ANKRD62: variants seen among roughly 807,000 people sequenced by gnomAD.
The protein encoded by ANKRD62 is ankyrin repeat domain 62.
ANKRD62 carries 61 observed loss-of-function variants against 98.8 expected under a neutral mutation model. That is an observed-to-expected ratio of 0.62 (90% CI 0.50 to 0.76). ANKRD62 has a LOEUF of 0.76. Ranked by LOEUF, ANKRD62 falls within the 30% of genes least tolerant of loss-of-function variation. The pLI is 0.00. For synonymous variants in ANKRD62, 341 were observed against 367.9 expected (o/e 0.93, Z 0.84); for missense variants, 933 against 1,082.9 (o/e 0.86, Z 1.94).
the ANKRD62 span, among the ~76,000 whole-genome samples, chr18:12,163,714 A>G: frequency 3.3e-5 from 5 of 152,004 alleles, no homozygotes; most frequent in Non-Finnish European, 5.9e-5. Context: ...GGCTTTTATC[A>G]TGAAGGGATG....
chr18:12,170,889 C>T, the ANKRD62 span, among the ~76,000 whole-genome samples: 1 of 151,172 alleles, frequency 6.6e-6, no homozygotes, highest in Admixed American at 6.6e-5. Flanking sequence ...ATGTAATGGC[C>T]TTCTTTGTCT....
At chr18:12,145,327 T>C in the ANKRD62 span, among the ~76,000 whole-genome samples, 2 of 152,168 alleles carry the variant, frequency 1.3e-5, no homozygotes, top group Admixed American at 1.3e-4. Context: ...AAAAATGCAA[T>C]GGCTAAGCTG....
the ANKRD62 span, among the ~76,000 whole-genome samples, chr18:12,157,634 C>T: frequency 1.3e-5 from 2 of 152,172 alleles, no homozygotes; most frequent in Non-Finnish European, 2.9e-5. Context: ...CGCTTGTGCT[C>T]AGATTCTGCC....
chr18:12,095,657 T>G, intron 3 of ANKRD62, 47 bp downstream of exon 3: 1 of 1,417,946 alleles, frequency 7.1e-7, no homozygotes, highest in Non-Finnish European at 9.2e-7. Context: ...GTATATTTGT[T>G]TTACCATTGA....
chr18:12,100,513 G>A (rs1177290287), intron 6 of ANKRD62, among the ~76,000 whole-genome samples: 1 of 152,096 alleles, frequency 6.6e-6, no homozygotes, highest in Non-Finnish European at 1.5e-5. Flanking sequence ...ACTCTGACAT[G>A]GTGATTTGTG....
chr18:12,153,992 C>T, the ANKRD62 span, among the ~76,000 whole-genome samples: 4 of 152,288 alleles, frequency 2.6e-5, no homozygotes, highest in East Asian at 1.9e-4. Flanking sequence ...AAACCAAAAA[C>T]TATAAAAATC....
In ANKRD62 at chr18:12,108,453, G is replaced by A. The variant is rs547734042; in HGVS notation, c.1064+986G>A. Among the ~76,000 whole-genome samples the A allele has an allele frequency of 5.3e-5, 8 of 152,226 alleles. No homozygotes were observed. In the East Asian group the frequency reaches 9.6e-4, roughly 18 times the overall value. ...TCACTATCACAAGAACAGCATGGGG[G>A]AAACAGCCTCCATGATCAAGTCACT... On this transcript the variant is annotated intron_variant, in intron 8 of 13. Coordinates refer to ENST00000587848, the MANE Select transcript of ANKRD62 (RefSeq NM_001277333.2).
chr18:12,123,766 C>A (rs1909829655), intron 11 of ANKRD62, among the ~76,000 whole-genome samples: 1 of 152,138 alleles, frequency 6.6e-6, no homozygotes. Flanking sequence ...GTGAAGGTAT[C>A]AACTTGTTTA....
chr18:12,137,436 T>C, the ANKRD62 span, among the ~76,000 whole-genome samples: 1 of 152,218 alleles, frequency 6.6e-6, no homozygotes, highest in Non-Finnish European at 1.5e-5. Context: ...GATGTGTTGC[T>C]GGATTCGGTT....
At chr18:12,123,104 A>G (rs1909815188) in intron 11 of ANKRD62, among the ~76,000 whole-genome samples, 1 of 152,094 alleles carries the variant, frequency 6.6e-6, no homozygotes, top group South Asian at 2.1e-4. Flanking sequence ...GTTGGAGTGC[A>G]GCGGCGAAAT....
the ANKRD62 span, among the ~76,000 whole-genome samples, chr18:12,136,089 T>C: frequency 1.3e-5 from 2 of 152,336 alleles, no homozygotes; most frequent in East Asian, 3.9e-4. Flanking sequence ...TGCCATTGCT[T>C]TTGGTGTTTT....
chr18:12,122,600 T>A lies in ANKRD62; in HGVS notation c.1454+84T>A, dbSNP rs1048578353. 2.6e-6 allele frequency: 3 copies of A among 1,170,296 alleles called. No individual in the cohort carries two copies. The African/African-American group carries it at 4.7e-5, about 18-fold the overall frequency. 72.5% of individuals were successfully genotyped at this position (1,170,296 alleles called of 1,614,324 possible). ...TAATTTTTGTAATAGCTGACTTACC[T>A]TCTAGGGTTTAATAGAGAAGAAAAC... On this transcript the variant is annotated intron_variant, in intron 11 of 13. Coordinates refer to ENST00000587848, the MANE Select transcript of ANKRD62 (RefSeq NM_001277333.2).
chr18:12,118,702 A>G (rs1234813658), intron 10 of ANKRD62, among the ~76,000 whole-genome samples: 2 of 151,088 alleles, frequency 1.3e-5, no homozygotes, highest in Non-Finnish European at 2.9e-5. Context: ...ATGTATTTTC[A>G]TGGTTTGATT....
Position 12,125,941 on chromosome 18 carries a change from C to T in ANKRD62, c.2120C>T (p.Ser707Phe), listed in dbSNP as rs1221984172. 6.5e-7 allele frequency: 1 copy of T among 1,538,252 alleles called. No individual in the cohort carries two copies. The highest frequency in any genetic ancestry group is 8.7e-7 in the Non-Finnish European group (1 of 1,146,936). Residue 707 changes from serine (S) to phenylalanine (F), a missense_variant, in exon 13 of 14, where the codon TCT (serine) becomes TTT (phenylalanine). By Grantham distance (155) the Ser-to-Phe change is radical. This residue lies in a region of ANKRD62 where 362 missense variants were observed against 434.5 expected (regional missense o/e 0.83). Coordinates refer to ENST00000587848, the MANE Select transcript of ANKRD62 (RefSeq NM_001277333.2). ...ATTCAGATTCTTTCTCAGCAACTTT[C>T]TAAAGCTGAGAGTACATCCAGTGGC... ...SHIQILSQQL[S>F]KAESTSSGLE... is the part of the protein sequence containing the mutation.
the ANKRD62 span, among the ~76,000 whole-genome samples, chr18:12,154,621 C>T: frequency 6.6e-6 from 1 of 152,124 alleles, no homozygotes; most frequent in East Asian, 1.9e-4. Context: ...TTACTGTGTA[C>T]GTACCCAGAG....
chr18:12,164,111 C>T, the ANKRD62 span, among the ~76,000 whole-genome samples: 2 of 151,906 alleles, frequency 1.3e-5, no homozygotes, highest in Non-Finnish European at 2.9e-5. Context: ...TAGTAGAATT[C>T]AGCAGTGAAG....
At chr18:12,173,699 A>G in the ANKRD62 span, among the ~76,000 whole-genome samples, 1 of 152,144 alleles carries the variant, frequency 6.6e-6, no homozygotes, top group South Asian at 2.1e-4. Context: ...ACAAATTCTC[A>G]CAGCATTTGC....
At chr18:12,113,500 C>T (rs888185925) in intron 8 of ANKRD62, among the ~76,000 whole-genome samples, 1 of 152,188 alleles carries the variant, frequency 6.6e-6, no homozygotes, top group Admixed American at 6.5e-5. Flanking sequence ...GTGGCACTCG[C>T]CTATAATCCC....
the ANKRD62 span, among the ~76,000 whole-genome samples, chr18:12,176,121 G>T: frequency 6.6e-6 from 1 of 151,838 alleles, no homozygotes; most frequent in Non-Finnish European, 1.5e-5. Context: ...GAACCTGGGA[G>T]GCAGAGGTTG....
Sources: gnomAD v4.1 joint callset for allele counts (sites outside exome capture counted in the v4.1 genomes callset) on GRCh38, gnomAD v4.1.1 for gene constraint, gnomAD v4.1.1 regional missense constraint, MANE v1.5 for transcripts, NCBI Gene and HGNC (gene_info 2026-07-23, HGNC 2026-07-21) for gene names.